IL1RL1: variants seen among roughly 807,000 people sequenced by gnomAD.
IL1RL1 encodes interleukin-1 receptor-like 1.
IL1RL1 carries 32 observed loss-of-function variants against 50.9 expected under a neutral mutation model. The observed-to-expected ratio is 0.63, with a 90% CI of 0.47 to 0.84. The LOEUF (loss-of-function observed/expected upper bound fraction) is 0.84. Among genes scored for constraint, IL1RL1 ranks in the 40% least tolerant of loss-of-function variants. The probability of loss-of-function intolerance (pLI) is 0.00; values close to 1 mark genes in which losing one functional copy is unlikely to be tolerated. For synonymous variants in IL1RL1, 275 were observed against 236.0 expected, an observed-to-expected ratio of 1.17 and a Z score of -1.51; for missense variants, 773 against 662.9, an observed-to-expected ratio of 1.17 and a Z score of -1.82.
chr2:102,324,005 C>T (rs1676916585), intron 1 of IL1RL1, among the ~76,000 whole-genome samples: 2 of 140,230 alleles, frequency 1.4e-5, no homozygotes, highest in South Asian at 2.3e-4. Context: ...TAAGATTCAT[C>T]AGTAGTTCTT....
At chr2:102,336,843 C>T (rs1559601449) in intron 1 of IL1RL1, among the ~76,000 whole-genome samples, 1 of 152,128 alleles carries the variant, frequency 6.6e-6, no homozygotes, top group Non-Finnish European at 1.5e-5. Flanking sequence ...TTTCCTCTCC[C>T]CCACCTTTGC....
chr2:102,349,321 G>A (rs1677870392), intron 10 of IL1RL1, 75 bp downstream of exon 10: 2 of 1,182,116 alleles, frequency 1.7e-6, no homozygotes, highest in African/African-American at 1.5e-5. Context: ...CCTTATCCCT[G>A]CATTGGATAA....
At chr2:102,323,720 C>T (rs1676908674) in intron 1 of IL1RL1, among the ~76,000 whole-genome samples, 1 of 152,092 alleles carries the variant, frequency 6.6e-6, no homozygotes, top group African/African-American at 2.4e-5. Context: ...CCCCATGACC[C>T]AAATGCTCCC....
At chr2:102,336,931 G>C (rs538552172) in intron 1 of IL1RL1, among the ~76,000 whole-genome samples, 1 of 152,242 alleles carries the variant, frequency 6.6e-6, no homozygotes, top group African/African-American at 2.4e-5. Context: ...AGGAGTCAAG[G>C]AATATCTGGA....
At chr2:102,322,514 G>A (rs1676863531) in intron 1 of IL1RL1, among the ~76,000 whole-genome samples, 1 of 152,132 alleles carries the variant, frequency 6.6e-6, no homozygotes, top group South Asian at 2.1e-4. Context: ...TAAAATATTG[G>A]CAAGGCCTCC....
At chr2:102,318,018 G>A (rs773453541) in intron 1 of IL1RL1, among the ~76,000 whole-genome samples, 3 of 152,190 alleles carry the variant, frequency 2.0e-5, no homozygotes, top group Non-Finnish European at 2.9e-5. Flanking sequence ...AAGATTGGGG[G>A]TGTAGCAGGA....
chr2:102,311,939 TAA>T lies in IL1RL1; in HGVS notation c.-150+317_-150+318del, dbSNP rs1559592028. Among the ~76,000 whole-genome samples the T allele has an allele frequency of 2.3e-4, 9 of 39,058 alleles. 2 individuals are homozygous for T. The South Asian group carries it at 3.1e-3, about 13-fold the overall frequency. 25.6% of individuals were successfully genotyped at this position (39,058 alleles called of 152,430 possible). ...TTTATTATATAATATATATTATATA[TAA>T]TATTATATATAATATATATTATATA... On this transcript the variant is annotated intron_variant, in intron 1 of 10. Transcript: ENST00000233954.
intron 1 of IL1RL1, among the ~76,000 whole-genome samples, chr2:102,316,115 G>A (rs1676667109): frequency 6.6e-6 from 1 of 152,146 alleles, no homozygotes; most frequent in Non-Finnish European, 1.5e-5. Context: ...TATGACGAAA[G>A]CATTCTTAAA....
At chr2:102,341,449 T>G in intron 5 of IL1RL1, 4 of 634,932 alleles carry the variant, frequency 6.3e-6, no homozygotes, top group Non-Finnish European at 8.4e-6. Flanking sequence ...TCATAGCTTA[T>G]CAATCTACAA....
chr2:102,316,651 G>C (rs1676682077), intron 1 of IL1RL1, among the ~76,000 whole-genome samples: 1 of 152,058 alleles, frequency 6.6e-6, no homozygotes, highest in African/African-American at 2.4e-5. Context: ...ATTACCTGGA[G>C]ATTTATCTAA....
chr2:102,329,123 A>G (rs1677098950), intron 1 of IL1RL1, among the ~76,000 whole-genome samples: 1 of 152,226 alleles, frequency 6.6e-6, no homozygotes, highest in Non-Finnish European at 1.5e-5. Context: ...ACAGCATGGT[A>G]CTTGTACCAA....
intron 8 of IL1RL1, among the ~76,000 whole-genome samples, chr2:102,347,388 G>A (rs1292998877): frequency 6.6e-6 from 1 of 152,172 alleles, no homozygotes. Flanking sequence ...TTCAGAATAA[G>A]GCAATCTGCC....
intron 5 of IL1RL1, chr2:102,341,116 CTT>C: frequency 1.1e-6 from 1 of 929,208 alleles, no homozygotes; most frequent in Non-Finnish European, 1.4e-6. Context: ...TGAATGCTAA[CTT>C]AACTTACTTT....
chr2:102,318,169 T>C (rs1273826556), intron 1 of IL1RL1, among the ~76,000 whole-genome samples: 2 of 152,012 alleles, frequency 1.3e-5, no homozygotes, highest in Non-Finnish European at 2.9e-5. Flanking sequence ...GCTTTGAAAA[T>C]CAATTATAGG....
chr2:102,325,554 G>A (rs906741844), intron 1 of IL1RL1, among the ~76,000 whole-genome samples: 14 of 152,174 alleles, frequency 9.2e-5, no homozygotes, highest in African/African-American at 2.7e-4. Context: ...AAACTACACC[G>A]AGCTAAAGGA....
intron 10 of IL1RL1, among the ~76,000 whole-genome samples, chr2:102,349,933 C>A (rs2105001112): frequency 6.6e-6 from 1 of 152,178 alleles, no homozygotes; most frequent in Non-Finnish European, 1.5e-5. Context: ...CTATCAAGGG[C>A]CTAAGCATAA....
chr2:102,342,169 T>C (rs1478313976), intron 5 of IL1RL1, 54 bp from the exon 6 acceptor site: 12 of 1,241,388 alleles, frequency 9.7e-6, no homozygotes, highest in Non-Finnish European at 3.5e-6. Flanking sequence ...ACAAGCTTTA[T>C]ATTGACTAGC....
chr2:102,342,046 CGTGTGTGT>C (rs67962088), intron 5 of IL1RL1, among the ~76,000 whole-genome samples, 169 bp from the exon 6 acceptor site: 15,708 of 144,078 alleles, frequency 0.11, 908 homozygotes, highest in Non-Finnish European at 0.13. Context: ...CTTTCTGTTT[CGTGTGTGT>C]GTGTGTGTGT....
At chr2:102,318,585 G>T (rs1209583397) in intron 1 of IL1RL1, among the ~76,000 whole-genome samples, 2 of 152,180 alleles carry the variant, frequency 1.3e-5, no homozygotes, top group Admixed American at 1.3e-4. Flanking sequence ...GACGGCAGGT[G>T]TAACTGCAAG....
Sources: gnomAD v4.1 joint callset for allele counts (sites outside exome capture counted in the v4.1 genomes callset) on GRCh38, gnomAD v4.1.1 for gene constraint, MANE v1.5 for transcripts, NCBI Gene and HGNC (gene_info 2026-07-23, HGNC 2026-07-21) for gene names.